KITLG: variants seen among roughly 807,000 people sequenced by gnomAD.
KITLG encodes c-Kit ligand.
In KITLG, 13 loss-of-function variants were observed where a neutral mutation model predicts 34.1. The ratio of observed to expected loss-of-function variants is 0.38; its 90% CI spans 0.25 to 0.61. The LOEUF (loss-of-function observed/expected upper bound fraction) is 0.61, where lower values mean the gene tolerates loss of function less well. Among genes scored for constraint, KITLG ranks in the 20% least tolerant of loss-of-function variants. The pLI, the probability that KITLG is intolerant of heterozygous loss-of-function variation, is 0.60. For missense variants in KITLG, 292 were observed against 318.9 expected (o/e 0.92, Z 0.64); for synonymous variants, 110 against 104.0 (o/e 1.06, Z -0.35).
At chr12:88,497,782 G>T (rs1276600691) in intron 9 of KITLG, among the ~76,000 whole-genome samples, 1 of 152,140 alleles carries the variant, frequency 6.6e-6, no homozygotes, top group African/African-American at 2.4e-5. Context: ...CCACCAACAA[G>T]TAATAGCCTC....
intron 1 of KITLG, among the ~76,000 whole-genome samples, chr12:88,559,897 A>G (rs538009457): frequency 3.7e-4 from 57 of 152,202 alleles, no homozygotes; most frequent in Non-Finnish European, 6.2e-4. Context: ...TCTGGTAACA[A>G]TACTCTACAA....
chr12:88,540,307 G>C (rs574763721), intron 2 of KITLG, among the ~76,000 whole-genome samples: 2 of 152,196 alleles, frequency 1.3e-5, no homozygotes, highest in African/African-American at 4.8e-5. Flanking sequence ...TCAATGATAG[G>C]TAGTTAAGGG....
chr12:88,509,414 T>C (rs375201857), intron 6 of KITLG, among the ~76,000 whole-genome samples: 1 of 152,180 alleles, frequency 6.6e-6, no homozygotes, highest in African/African-American at 2.4e-5. Context: ...GGCAGAAGGA[T>C]AGCATCTAAG....
chr12:88,567,528 C>G (rs1013671833), intron 1 of KITLG, among the ~76,000 whole-genome samples: 16 of 152,152 alleles, frequency 1.1e-4, no homozygotes, highest in African/African-American at 3.9e-4. Context: ...AAAACTTACT[C>G]AAAGATGAAT....
At chr12:88,552,738 A>T (rs2120931070) in intron 1 of KITLG, among the ~76,000 whole-genome samples, 1 of 151,992 alleles carries the variant, frequency 6.6e-6, no homozygotes, top group East Asian at 1.9e-4. Context: ...GTTTAAACAA[A>T]GGTTTCCAAG....
intron 6 of KITLG, among the ~76,000 whole-genome samples, chr12:88,514,046 A>C (rs1222427779): frequency 1.3e-5 from 2 of 151,672 alleles, no homozygotes; most frequent in Non-Finnish European, 3.0e-5. Context: ...TATATAGGAA[A>C]ATCTCAAACT....
chr12:88,524,637 G>A lies in KITLG; in HGVS notation c.193-5770C>T, dbSNP rs1876594. 4.0e-5 allele frequency among the ~76,000 whole-genome samples: 6 copies of A among 151,250 alleles called. No individual in the cohort carries two copies. In the East Asian group the frequency reaches 7.7e-4, roughly 20 times the overall value. On this transcript the variant is annotated intron_variant, in intron 3 of 9. Transcript: ENST00000644744. ...CTACCAGACAATTAAGATTATGAAC[G>A]TGGCTTCCATTGTATTTCTATCAGA... is the stretch of plus-strand genomic sequence containing the variant.
chr12:88,564,601 G>T, intron 1 of KITLG, among the ~76,000 whole-genome samples: 1 of 151,956 alleles, frequency 6.6e-6, no homozygotes. Context: ...TCTTCTTTAT[G>T]GTCCTTTTTG....
At chr12:88,556,167 A>G (rs945277676) in intron 1 of KITLG, among the ~76,000 whole-genome samples, 2 of 151,502 alleles carry the variant, frequency 1.3e-5, no homozygotes, top group Non-Finnish European at 2.9e-5. Flanking sequence ...GCATGTTCTT[A>G]GAATTCTGTG....
intron 2 of KITLG, among the ~76,000 whole-genome samples, chr12:88,539,663 T>C (rs1395220143): frequency 6.6e-6 from 1 of 152,168 alleles, no homozygotes; most frequent in East Asian, 1.9e-4. Flanking sequence ...GGTTCATACC[T>C]GTAATCCTAC....
Position 88,516,472 on chromosome 12 carries a change from T to G in KITLG, c.382A>C (p.Lys128Gln), listed in dbSNP as rs1205227095. 6.2e-7 allele frequency: 1 copy of G among 1,601,786 alleles called. No individual in the cohort carries two copies. Among genetic ancestry groups the G allele is most frequent in the South Asian group, 1.1e-5 (1 of 89,090 alleles). Residue 128 changes from lysine (K) to glutamine (Q), a missense_variant, in exon 5 of 10, where the codon AAG (lysine) becomes CAG (glutamine). Lys to Gln is a moderately conservative substitution (Grantham distance 53). Around this residue, in one of 2 missense-constraint regions of KITLG, gnomAD observed 152 missense variants for 207.9 expected, o/e 0.73. Coordinates refer to ENST00000644744, the MANE Select transcript of KITLG (RefSeq NM_000899.5). ...NSSKDLKKSF[K>Q]SPEPRLFTPE... ...GTAAAGAGCCTGGGTTCTGGGCTCTTGAATGATTTTTTTAGATCCTAGAAG... is the reference window on the plus strand; with the variant it reads ...GTAAAGAGCCTGGGTTCTGGGCTCTGGAATGATTTTTTTAGATCCTAGAAG...
At chr12:88,498,951 G>A (rs1052282951) in intron 9 of KITLG, among the ~76,000 whole-genome samples, 3 of 152,046 alleles carry the variant, frequency 2.0e-5, no homozygotes, top group Admixed American at 6.6e-5. Flanking sequence ...TTTGATTTTT[G>A]TCCCCGGGTC....
At position 88,529,012 on chromosome 12, in the gene KITLG, T is replaced by C. The variant is rs116617855; in HGVS notation, c.192+3429A>G. The stretch of plus-strand genomic sequence containing the variant: ...TAAAAGAGTGGAATTGGAATGTTCC[T>C]AACACAAAGAAATTGTAAAGTTGAG... On this transcript the variant is annotated intron_variant, in intron 3 of 9. Coordinates refer to ENST00000644744, the MANE Select transcript of KITLG (RefSeq NM_000899.5). Among the ~76,000 whole-genome samples, 1,047 of 152,284 alleles carry C rather than the reference T, an allele frequency of 6.9e-3. 10 individuals carry two copies. The highest frequency in any genetic ancestry group is 0.024 in the African/African-American group (1,007 of 41,566).
chr12:88,544,666 C>T (rs1052023012), intron 2 of KITLG, among the ~76,000 whole-genome samples: 1 of 152,066 alleles, frequency 6.6e-6, no homozygotes, highest in Non-Finnish European at 1.5e-5. Context: ...TGCTTTTAAA[C>T]CTGAACTCTC....
At chr12:88,576,904 G>A (rs1343247375) in intron 1 of KITLG, among the ~76,000 whole-genome samples, 5 of 151,928 alleles carry the variant, frequency 3.3e-5, no homozygotes, top group Non-Finnish European at 5.9e-5. Flanking sequence ...AAAAAAATGT[G>A]ACCCAGAATT....
At chr12:88,564,282 G>A (rs918281303) in intron 1 of KITLG, 7 of 152,316 alleles carry the variant, frequency 4.6e-5, no homozygotes, top group Admixed American at 4.6e-4. Context: ...GAGCAGAAAA[G>A]GGGGAGAGTG....
At chr12:88,508,686 T>C (rs1353176082) in intron 6 of KITLG, among the ~76,000 whole-genome samples, 1 of 151,966 alleles carries the variant, frequency 6.6e-6, no homozygotes, top group Non-Finnish European at 1.5e-5. Flanking sequence ...ATGAATATCC[T>C]CCTTAGGATT....
intron 9 of KITLG, among the ~76,000 whole-genome samples, chr12:88,504,475 A>G (rs1462555765): frequency 6.6e-6 from 1 of 152,208 alleles, no homozygotes; most frequent in Non-Finnish European, 1.5e-5. Flanking sequence ...CACTTCTCAA[A>G]AGAAGATATT....
intron 2 of KITLG, among the ~76,000 whole-genome samples, chr12:88,536,287 TATGAAAA>T (rs1244242519): frequency 6.6e-6 from 1 of 151,994 alleles, no homozygotes; most frequent in Non-Finnish European, 1.5e-5. Context: ...CCAAGAAACA[TATGAAAA>T]ATTGCTTAAC....
Sources: allele counts gnomAD v4.1 joint callset (sites outside exome capture counted in the v4.1 genomes callset), GRCh38; gene constraint gnomAD v4.1.1; regional missense constraint gnomAD v4.1.1; transcripts MANE v1.5; gene names NCBI Gene and HGNC (gene_info 2026-07-23, HGNC 2026-07-21).